Variants in UBQLN1 observed in about 807,000 individuals in gnomAD.
UBQLN1 encodes the protein ubiquilin 1, also known as ubiquilin-1.
Under a neutral mutation model 65.4 loss-of-function variants are expected in UBQLN1, and 13 were observed. The observed-to-expected ratio is 0.20, with a 90% CI of 0.13 to 0.32. The LOEUF is 0.32. Ranked by LOEUF, UBQLN1 falls within the 10% of genes least tolerant of loss-of-function variation. UBQLN1 has a pLI of 1.00. For missense variants in UBQLN1, 561 were observed against 724.0 expected (o/e 0.77, Z 2.58); for synonymous variants, 267 against 247.8 (o/e 1.08, Z -0.73).
chr9:83,680,159 T>C (rs1439040096), intron 3 of UBQLN1, 122 bp from the exon 4 acceptor site: 1 of 1,121,392 alleles, frequency 8.9e-7, no homozygotes, highest in Non-Finnish European at 1.2e-6. Context: ...AAGAAATCAT[T>C]TAAAAACAAA....
intron 1 of UBQLN1, among the ~76,000 whole-genome samples, chr9:83,701,141 G>A (rs2131188494): frequency 6.6e-6 from 1 of 152,184 alleles, no homozygotes; most frequent in South Asian, 2.1e-4. Flanking sequence ...TGCTTGTTTA[G>A]GTTATAGCTG....
intron 6 of UBQLN1, among the ~76,000 whole-genome samples, chr9:83,676,325 A>C (rs1831831284): frequency 6.6e-6 from 1 of 152,234 alleles, no homozygotes; most frequent in African/African-American, 2.4e-5. Flanking sequence ...TCTGAGTAAA[A>C]GGATGCAAAA....
At position 83,663,949 on chromosome 9, in the gene UBQLN1, C is replaced by T; in HGVS notation, c.1543G>A (p.Ala515Thr). The change falls in exon 10 of 11, where the codon GCA becomes ACA. Residue 515 changes from alanine to threonine, a missense_variant. This residue lies in a region of UBQLN1 where 68 missense variants were observed against 62.2 expected (regional missense o/e 1.09). Transcript: ENST00000376395. Reference sequence around the variant, plus strand: ...TGATGTCCAGGTTCAGTGGTTCCTGCTGTGGGACTTGTGTTTTCACTAGGT... The same window carrying T: ...TGATGTCCAGGTTCAGTGGTTCCTGTTGTGGGACTTGTGTTTTCACTAGGT... ...ATPSENTSPT[A>T]GTTEPGHQQF... 1 of 1,614,170 alleles carries T rather than the reference C, an allele frequency of 6.2e-7. No individual in the cohort carries two copies.
chr9:83,662,563 T>C (rs1033444998), intron 10 of UBQLN1, among the ~76,000 whole-genome samples: 2 of 152,158 alleles, frequency 1.3e-5, no homozygotes, highest in Admixed American at 1.3e-4. Flanking sequence ...AAAATCTCCA[T>C]ATAAATGACC....
chr9:83,707,284 G>A (rs1832427795), intron 1 of UBQLN1, among the ~76,000 whole-genome samples: 2 of 152,144 alleles, frequency 1.3e-5, no homozygotes, highest in Admixed American at 1.3e-4. Flanking sequence ...AGCGGCATCA[G>A]CCCGTCCCAC....
rs1418538791 is a variant in UBQLN1, at chr9:83,669,935, T to G, written c.1106-608A>C. ...AACCCATGTGATCTTGGGCAAGTTA[T>G]CTAGCGTCTTCATACTTCAGGTTCC... On this transcript the variant is annotated intron_variant, in intron 6 of 10. Coordinates refer to ENST00000376395, the MANE Select transcript of UBQLN1 (RefSeq NM_013438.5). 3.3e-5 allele frequency among the ~76,000 whole-genome samples: 5 copies of G among 152,218 alleles called. No homozygotes were observed. In the East Asian group the frequency reaches 9.6e-4, roughly 29 times the overall value.
intron 1 of UBQLN1, among the ~76,000 whole-genome samples, chr9:83,687,412 A>T (rs746523473): frequency 1.3e-5 from 2 of 152,226 alleles, no homozygotes; most frequent in Non-Finnish European, 2.9e-5. Context: ...CCAGGAATCT[A>T]CATTAAAAGA....
chr9:83,707,929 A>G lies in UBQLN1; in HGVS notation c.-250T>C, dbSNP rs1448241615. On this transcript the variant is annotated 5_prime_UTR_variant, in exon 1 of 11. It removes an upstream start codon present in the reference 5' UTR. Transcript: ENST00000376395. ...TCAGGCGCCGCTCGCTCACACCGAC[A>G]TCCGCAGCAGCCACCGCTTCCTCCT... The G allele has an allele frequency of 1.9e-6, 1 of 513,352 alleles. No homozygotes were observed. Among genetic ancestry groups the G allele is most frequent in the Non-Finnish European group, 3.3e-6 (1 of 299,866 alleles). 31.8% of individuals were successfully genotyped at this position (513,352 alleles called of 1,614,324 possible).
chr9:83,677,627 A>T, intron 6 of UBQLN1, 100 bp downstream of exon 6: 1 of 819,206 alleles, frequency 1.2e-6, no homozygotes, highest in Non-Finnish European at 1.9e-6. Context: ...GATACTCACT[A>T]TACATACACA....
chr9:83,680,018 T>G lies in UBQLN1; in HGVS notation c.468A>C (p.Ala156=). The change falls in exon 4 of 11, where the codon GCA becomes GCC. Residue 156 remains alanine, a synonymous_variant. Transcript: ENST00000376395. The part of the protein sequence containing the change: ...PFGLGGLGGL[A]GLSSLGLNTT... ...TATTCAAACCCAAGCTACTCAGACC[T>G]GCAAGTCCCCCAAGGCCACCTAAGA... 1 of 1,612,732 alleles carries G rather than the reference T, an allele frequency of 6.2e-7. No homozygotes were observed. Among genetic ancestry groups the G allele is most frequent in the Non-Finnish European group, 8.5e-7 (1 of 1,178,880 alleles).
intron 3 of UBQLN1, among the ~76,000 whole-genome samples, chr9:83,680,811 G>C (rs767340759): frequency 6.6e-6 from 1 of 152,206 alleles, no homozygotes; most frequent in Non-Finnish European, 1.5e-5. Flanking sequence ...CCCCAACTTA[G>C]AGCTGGTCAG....
At position 83,679,955 on chromosome 9, in the gene UBQLN1, T is replaced by C; in HGVS notation, c.531A>G (p.Arg177=). The C allele has an allele frequency of 6.2e-7, 1 of 1,614,150 alleles. No homozygotes were observed. Among genetic ancestry groups the C allele is most frequent in the South Asian group, 1.1e-5 (1 of 91,084 alleles). Reference sequence around the variant, plus strand: ...TCATTTCAGGGTTAGACAAAAGTTGTCGCTGCATCTGACTCTGTAGTTCAG... The same window carrying C: ...TCATTTCAGGGTTAGACAAAAGTTGCCGCTGCATCTGACTCTGTAGTTCAG... ...NFSELQSQMQ[R]QLLSNPEMMV... The change falls in exon 4 of 11, where the codon CGA becomes CGG. Residue 177 remains arginine, a synonymous_variant. Coordinates refer to ENST00000376395, the MANE Select transcript of UBQLN1 (RefSeq NM_013438.5).
chr9:83,666,257 C>T, intron 8 of UBQLN1, 93 bp downstream of exon 8: 1 of 1,212,448 alleles, frequency 8.2e-7, no homozygotes, highest in South Asian at 1.3e-5. Flanking sequence ...CTATGTTTTG[C>T]TATCAGCCAG....
intron 1 of UBQLN1, among the ~76,000 whole-genome samples, chr9:83,693,447 C>T (rs991080270): frequency 1.4e-5 from 2 of 146,084 alleles, no homozygotes; most frequent in Non-Finnish European, 3.0e-5. Flanking sequence ...TATCTTGTAT[C>T]TGCCTTTTTC....
chr9:83,696,646 A>G (rs75905735), intron 1 of UBQLN1, among the ~76,000 whole-genome samples: 1 of 7,704 alleles, frequency 1.3e-4, no homozygotes, highest in African/African-American at 3.0e-4. Flanking sequence ...CTAAAAAAGG[A>G]AAAAAAAAAA....
intron 7 of UBQLN1, chr9:83,668,163 TCA>T: frequency 1.0e-6 from 1 of 985,398 alleles, no homozygotes; most frequent in Non-Finnish European, 1.2e-6. Flanking sequence ...ATATACAGAA[TCA>T]CAGACACAAA....
intron 7 of UBQLN1, chr9:83,668,749 T>C (rs1831683429): frequency 3.5e-6 from 2 of 563,906 alleles, no homozygotes. Context: ...CCGTCTTTAA[T>C]AAATGCTATT....
chr9:83,696,679 T>A (rs1272316300), intron 1 of UBQLN1, among the ~76,000 whole-genome samples: 6 of 151,964 alleles, frequency 3.9e-5, no homozygotes, highest in African/African-American at 1.4e-4. Context: ...GTACAAAATA[T>A]TGCAGATAAA....
intron 1 of UBQLN1, among the ~76,000 whole-genome samples, chr9:83,702,155 G>C (rs2131189698): frequency 6.6e-6 from 1 of 152,272 alleles, no homozygotes; most frequent in South Asian, 2.1e-4. Flanking sequence ...GGGGGGCCCA[G>C]GGAGAAACGA....
Sources: allele counts gnomAD v4.1 joint callset (sites outside exome capture counted in the v4.1 genomes callset), GRCh38; gene constraint gnomAD v4.1.1; regional missense constraint gnomAD v4.1.1; transcripts MANE v1.5; gene names NCBI Gene and HGNC (gene_info 2026-07-23, HGNC 2026-07-21).